PRKCZ: variants seen among roughly 807,000 people sequenced by gnomAD.
PRKCZ encodes the protein protein kinase C zeta, also known as protein kinase C zeta type.
In PRKCZ, 33 loss-of-function variants were observed where a neutral mutation model predicts 79.5. The observed-to-expected ratio is 0.41, with a 90% CI of 0.31 to 0.55. The LOEUF is 0.55. Among genes scored for constraint, PRKCZ ranks in the 20% least tolerant of loss-of-function variants. The probability of loss-of-function intolerance (pLI) is 0.19; values close to 1 mark genes in which losing one functional copy is unlikely to be tolerated. For synonymous variants in PRKCZ, 342 were observed against 320.9 expected, an observed-to-expected ratio of 1.07 and a Z score of -0.70; for missense variants, 578 against 813.5, an observed-to-expected ratio of 0.71 and a Z score of 3.52.
At chr1:2,055,583 G>C (rs777630624) in intron 2 of PRKCZ, 21 bp downstream of exon 2, 1 of 1,607,210 alleles carries the variant, frequency 6.2e-7, no homozygotes, top group South Asian at 1.1e-5. Context: ...TCCCATGTTG[G>C]CCAGAATCCT....
At chr1:2,171,763 C>T (rs1164139015) in intron 11 of PRKCZ, 3 of 396,796 alleles carry the variant, frequency 7.6e-6, no homozygotes, top group South Asian at 3.2e-5. Context: ...CGGTCTTTCC[C>T]GCATGGAAGC....
chr1:2,050,869 G>A, intron 1 of PRKCZ, 168 bp downstream of exon 1: 2 of 417,506 alleles, frequency 4.8e-6, no homozygotes, highest in Non-Finnish European at 4.0e-6. Context: ...AGCGTCACCC[G>A]CGGACACGTC....
intron 4 of PRKCZ, among the ~76,000 whole-genome samples, chr1:2,083,911 G>T (rs984396455): frequency 1.1e-4 from 17 of 152,192 alleles, no homozygotes; most frequent in African/African-American, 4.1e-4. Flanking sequence ...CGCTCGAATA[G>T]GTTTCTTACG....
At chr1:2,142,959 C>G (rs979795389) in intron 5 of PRKCZ, 1 of 152,104 alleles carries the variant, frequency 6.6e-6, no homozygotes, top group Admixed American at 6.5e-5. Context: ...GCTGTATTTT[C>G]TCTTCAGTCC....
rs756392599 is a variant in PRKCZ, at chr1:2,184,569, A to T, written c.1576-14A>T. On this transcript the variant is annotated splice_polypyrimidine_tract_variant and intron_variant, in intron 16 of 17. Transcript: ENST00000378567. The stretch of plus-strand genomic sequence containing the variant: ...CCCGCGCGGAGCTGACCCTTCTCCT[A>T]TTGTTTTTCCAAGCTGGAGAAGAAG... 6.2e-7 allele frequency: 1 copy of T among 1,609,740 alleles called. No individual in the cohort carries two copies. Among genetic ancestry groups the T allele is most frequent in the Admixed American group, 1.7e-5 (1 of 59,894 alleles).
chr1:2,053,358 C>A (rs1367979403), intron 1 of PRKCZ, among the ~76,000 whole-genome samples: 1 of 152,198 alleles, frequency 6.6e-6, no homozygotes, highest in Non-Finnish European at 1.5e-5. Flanking sequence ...CTTGGCCTCC[C>A]AAAGCGCTGG....
chr1:2,055,300 G>T (rs918968978), intron 1 of PRKCZ, 141 bp from the exon 2 acceptor site: 6 of 1,038,884 alleles, frequency 5.8e-6, no homozygotes, highest in Non-Finnish European at 1.3e-6. Flanking sequence ...TGTGTGGGAG[G>T]GGGGAGGGGG....
At chr1:2,084,698 G>T (rs1392478244) in intron 4 of PRKCZ, among the ~76,000 whole-genome samples, 1 of 152,186 alleles carries the variant, frequency 6.6e-6, no homozygotes, top group Non-Finnish European at 1.5e-5. Context: ...CACCTTGTCA[G>T]CAAGTGGAGG....
In PRKCZ at chr1:2,091,853, G is replaced by A. The variant is rs146328894; in HGVS notation, c.334+32262G>A. Among the ~76,000 whole-genome samples the A allele has an allele frequency of 2.7e-3, 417 of 152,304 alleles. 3 individuals carry two copies. The highest frequency in any genetic ancestry group is 9.5e-3 in the African/African-American group (396 of 41,568). ...TGACCCCAGGCGGGAGGACAGATGC[G>A]CGTCCTGTGTTGGGGCCACGGAGTT... On this transcript the variant is annotated intron_variant, in intron 4 of 17. Transcript: ENST00000378567.
intron 4 of PRKCZ, among the ~76,000 whole-genome samples, chr1:2,076,137 G>T (rs1401125454): frequency 1.3e-5 from 2 of 152,238 alleles, no homozygotes; most frequent in African/African-American, 4.8e-5. Context: ...GGGGTGCCCA[G>T]TGCCATCGAG....
At chr1:2,113,697 CA>C (rs1282206746) in intron 4 of PRKCZ, among the ~76,000 whole-genome samples, 1 of 152,188 alleles carries the variant, frequency 6.6e-6, no homozygotes, top group Admixed American at 6.5e-5. Context: ...GAGCCAATGG[CA>C]GCCTAGCTGC....
At position 2,178,793 on chromosome 1, in the gene PRKCZ, C is replaced by T. The variant is rs1472213594; in HGVS notation, c.1575+3480C>T. 2.0e-5 allele frequency among the ~76,000 whole-genome samples: 3 copies of T among 152,180 alleles called. No homozygotes were observed. Among genetic ancestry groups the T allele is most frequent in the Non-Finnish European group, 2.9e-5 (2 of 68,036 alleles). The stretch of plus-strand genomic sequence containing the variant: ...TGGGGCACGTGTGAGGCCTTGGTCC[C>T]CACCTGTGGACTCAGGGTCTCTTTC... On this transcript the variant is annotated intron_variant, in intron 16 of 17. Transcript: ENST00000378567. The surrounding 1 kb of genome is among the most constrained non-coding windows in gnomAD (Gnocchi z 4.3).
chr1:2,076,296 G>T (rs1662407842), intron 4 of PRKCZ, among the ~76,000 whole-genome samples: 1 of 152,178 alleles, frequency 6.6e-6, no homozygotes, highest in Admixed American at 6.5e-5. Flanking sequence ...CCCTCACATG[G>T]CAGGGGGAAG....
chr1:2,059,647 T>C, intron 4 of PRKCZ, 56 bp downstream of exon 4: 3 of 1,605,750 alleles, frequency 1.9e-6, no homozygotes, highest in Non-Finnish European at 2.6e-6. Context: ...GAACTGTTGA[T>C]CCGTTGTGCC....
Position 2,150,710 on chromosome 1 carries a change from A to G in PRKCZ, c.688-80A>G, listed in dbSNP as rs926205943. On this transcript the variant is annotated intron_variant, in intron 8 of 17. Coordinates refer to ENST00000378567, the MANE Select transcript of PRKCZ (RefSeq NM_002744.6). ...CTCTGAGGAGCAGGTCTCTGTTGGG[A>G]CCGCATGAGTGATGCGTGGTCCTCT... 1.2e-5 allele frequency: 17 copies of G among 1,406,006 alleles called. 1 individual carries two copies. Among genetic ancestry groups the G allele is most frequent in the Admixed American group, 2.0e-5 (1 of 49,358 alleles). The allele number at this position is 1,406,006 out of a possible 1,614,324, so 87.1% of individuals were successfully genotyped here.
At chr1:2,052,638 G>A (rs565054650) in intron 1 of PRKCZ, among the ~76,000 whole-genome samples, 3 of 151,916 alleles carry the variant, frequency 2.0e-5, no homozygotes, top group Non-Finnish European at 2.9e-5. Flanking sequence ...CCTTCTCCCC[G>A]TTCTGGCTCC....
At chr1:2,137,180 A>G (rs970973579) in intron 5 of PRKCZ, among the ~76,000 whole-genome samples, 1 of 152,178 alleles carries the variant, frequency 6.6e-6, no homozygotes, top group African/African-American at 2.4e-5. Context: ...CTGGAATCTG[A>G]TGTCCCAGGG....
intron 4 of PRKCZ, among the ~76,000 whole-genome samples, chr1:2,130,435 G>A (rs1193801835): frequency 6.6e-6 from 1 of 152,152 alleles, no homozygotes; most frequent in Non-Finnish European, 1.5e-5. Flanking sequence ...GGGCTGGGAG[G>A]GCGAGGAAAA....
chr1:2,071,039 G>A (rs2102301895), intron 4 of PRKCZ, among the ~76,000 whole-genome samples: 1 of 103,494 alleles, frequency 9.7e-6, no homozygotes, highest in Non-Finnish European at 2.0e-5. Flanking sequence ...CGCCTGCTGG[G>A]AGCAGCCAGT....
Sources: allele counts gnomAD v4.1 joint callset (sites outside exome capture counted in the v4.1 genomes callset), GRCh38; gene constraint gnomAD v4.1.1; non-coding constraint Gnocchi (gnomAD v3.1); transcripts MANE v1.5; gene names NCBI Gene and HGNC (gene_info 2026-07-23, HGNC 2026-07-21).